HSF5: variants seen among roughly 807,000 people sequenced by gnomAD.
HSF5 encodes heat shock transcription factor 5, also known as heat shock factor protein 5.
Under a neutral mutation model 50.8 loss-of-function variants are expected in HSF5, and 5 were observed. That is an observed-to-expected ratio of 0.10 (90% confidence interval 0.05 to 0.21). The LOEUF (loss-of-function observed/expected upper bound fraction) is 0.21, where lower values mean the gene tolerates loss of function less well. HSF5 is among the 10% of genes least tolerant of loss of function. The probability of loss-of-function intolerance (pLI) is 1.00; values close to 1 mark genes in which losing one functional copy is unlikely to be tolerated. For synonymous variants in HSF5, 307 were observed against 307.4 expected (o/e 1.00, Z 0.02); for missense variants, 564 against 762.6 (o/e 0.74, Z 3.07).
rs1975062112 is a variant in HSF5, at chr17:58,478,895, AAAG to A, written c.925+995_925+997del. On this transcript the variant is annotated intron_variant, in intron 2 of 5. Coordinates refer to ENST00000323777, the MANE Select transcript of HSF5 (RefSeq NM_001080439.3). ...AAAAAAAAAAAAAGAGAAGAAAAGA[AAAG>A]AAGAAAACACAACTTTTTTTTTTCC... 1.3e-4 allele frequency among the ~76,000 whole-genome samples: 20 copies of A among 151,864 alleles called. 1 individual carries two copies. The South Asian group carries it at 3.9e-3, about 30-fold the overall frequency.
At position 58,487,973 on chromosome 17, in the gene HSF5, T is replaced by G. The variant is rs1742048627; in HGVS notation, c.302A>C (p.Lys101Thr). 10 of 1,611,180 alleles carry G rather than the reference T, an allele frequency of 6.2e-6. No homozygotes were observed. The South Asian group carries it at 7.7e-5, about 12-fold the overall frequency. The part of the protein sequence containing the change: ...KVVLGGPGGG[K>T]PAGNGPLHHF... ...ATGGAGCGGCCCATTGCCTGCCGGT[T>G]TGCCGCCCCCCGGCCCGCCCAGCAC... is the stretch of plus-strand genomic sequence containing the variant. Residue 101 changes from lysine to threonine, a missense_variant, in exon 1 of 6, where the codon AAA becomes ACA. By Grantham distance (78) the Lys-to-Thr change is moderately conservative (BLOSUM62 -1). This residue lies in a region of HSF5 where 29 missense variants were observed against 24.7 expected (regional missense o/e 1.18). Coordinates refer to ENST00000323777, the MANE Select transcript of HSF5 (RefSeq NM_001080439.3).
chr17:58,477,083 AC>A, intron 2 of HSF5: 1 of 461,574 alleles, frequency 2.2e-6, no homozygotes, highest in Non-Finnish European at 3.9e-6. Context: ...TCGCGGCCTG[AC>A]GACAGGTATG....
intron 1 of HSF5, among the ~76,000 whole-genome samples, chr17:58,484,620 T>C (rs1975143811): frequency 6.6e-6 from 1 of 152,102 alleles, no homozygotes; most frequent in African/African-American, 2.4e-5. Context: ...TCAGAGATTC[T>C]GCCAAATGTA....
intron 5 of HSF5, among the ~76,000 whole-genome samples, chr17:58,452,570 G>A (rs1974655560): frequency 6.6e-6 from 1 of 151,872 alleles, no homozygotes; most frequent in Non-Finnish European, 1.5e-5. Flanking sequence ...AACACTTTGC[G>A]ATGCTGAGGC....
chr17:58,471,144 G>A (rs780371730), intron 2 of HSF5, among the ~76,000 whole-genome samples: 1 of 152,168 alleles, frequency 6.6e-6, no homozygotes, highest in Non-Finnish European at 1.5e-5. Context: ...ATAGACAGTG[G>A]TGATGGTGAA....
chr17:58,476,537 C>CTTTAT, intron 2 of HSF5: 2 of 1,385,756 alleles, frequency 1.4e-6, no homozygotes, highest in Non-Finnish European at 2.1e-6. Context: ...TTGGACAGAA[C>CTTTAT]TTTATTTTCA....
intron 5 of HSF5, among the ~76,000 whole-genome samples, chr17:58,446,393 T>C (rs762095453): frequency 2.6e-5 from 4 of 152,112 alleles, no homozygotes; most frequent in Non-Finnish European, 4.4e-5. Flanking sequence ...CAATGCAGCA[T>C]AGAGAAAATC....
intron 2 of HSF5, among the ~76,000 whole-genome samples, chr17:58,478,280 AAT>A (rs770822725): frequency 1.4e-4 from 19 of 132,762 alleles, no homozygotes; most frequent in Middle Eastern, 3.7e-3. Context: ...AAAATAAATA[AAT>A]ATATATATAT....
chr17:58,458,961 C>T lies in HSF5; in HGVS notation c.1543-16G>A, dbSNP rs1263957784. On this transcript the variant is annotated splice_polypyrimidine_tract_variant and intron_variant, in intron 4 of 5. Coordinates refer to ENST00000323777, the MANE Select transcript of HSF5 (RefSeq NM_001080439.3). ...TGGCATCCACCTAAAATATTAAACCCATTCATTATTTGAGATTTCCTCCAA... is the reference window on the plus strand; with the variant it reads ...TGGCATCCACCTAAAATATTAAACCTATTCATTATTTGAGATTTCCTCCAA... The T allele has an allele frequency of 6.3e-7, 1 of 1,590,172 alleles. No individual in the cohort carries two copies.
rs965850098 is a variant in HSF5, at chr17:58,477,029, C to T, written c.925+2864G>A. ...GGCAGCTTCCCCCTCACGGCACACGCGCGGGCGCTTGCTGGGTCCAGCCAC... is the reference window on the plus strand; with the variant it reads ...GGCAGCTTCCCCCTCACGGCACACGTGCGGGCGCTTGCTGGGTCCAGCCAC... On this transcript the variant is annotated intron_variant, in intron 2 of 5. Coordinates refer to ENST00000323777, the MANE Select transcript of HSF5 (RefSeq NM_001080439.3). 1.3e-5 allele frequency: 7 copies of T among 547,280 alleles called. No individual in the cohort carries two copies. In the Middle Eastern group the frequency reaches 1.5e-3, roughly 117 times the overall value. The allele number at this position is 547,280 out of a possible 1,614,324, so 33.9% of individuals were successfully genotyped here.
intron 3 of HSF5, among the ~76,000 whole-genome samples, chr17:58,463,914 T>G (rs1974828253): frequency 6.6e-6 from 1 of 152,250 alleles, no homozygotes; most frequent in African/African-American, 2.4e-5. Context: ...TATATACTGC[T>G]TTGCAGAGAG....
At position 58,488,288 on chromosome 17, in the gene HSF5, C is replaced by A; in HGVS notation, c.-14G>T. ...CAGCGCCTCCATCGCCCCGCCGGGC[C>A]GGGGCCTCGCCCCCCGAGCCTAGCT... On this transcript the variant is annotated 5_prime_UTR_variant, in exon 1 of 6. Coordinates refer to ENST00000323777, the MANE Select transcript of HSF5 (RefSeq NM_001080439.3). The surrounding 1 kb of genome is among the most constrained non-coding windows in gnomAD (Gnocchi z 4.1). The A allele has an allele frequency of 1.4e-6, 2 of 1,459,058 alleles. No individual in the cohort carries two copies. The highest frequency in any genetic ancestry group is 8.9e-7 in the Non-Finnish European group (1 of 1,118,658). The allele number at this position is 1,459,058 out of a possible 1,614,324, so 90.4% of individuals were successfully genotyped here. A position where few individuals can be genotyped will look rare whatever the true frequency, so the allele number is the denominator to read the frequency against.
chr17:58,466,841 T>G (rs1224908013), intron 3 of HSF5, 44 bp downstream of exon 3: 1 of 1,189,804 alleles, frequency 8.4e-7, no homozygotes, highest in Admixed American at 1.7e-5. Context: ...TCGATAAAAT[T>G]GCACATAAAG....
In HSF5 at chr17:58,452,092, T is replaced by A. The variant is rs188160855; in HGVS notation, c.1720+6676A>T. ...AAGACCCTGTCTCTACAAAAAAAAA[T>A]TTTTAAATTAGCCAAGCATGGTGTC... On this transcript the variant is annotated intron_variant, in intron 5 of 5. Coordinates refer to ENST00000323777, the MANE Select transcript of HSF5 (RefSeq NM_001080439.3). Among the ~76,000 whole-genome samples, 699 of 150,534 alleles carry A rather than the reference T, an allele frequency of 4.6e-3. 5 individuals are homozygous for A. Among genetic ancestry groups the A allele is most frequent in the African/African-American group, 0.016 (661 of 40,926 alleles).
At position 58,466,894 on chromosome 17, in the gene HSF5, G is replaced by A. The variant is rs764778535; in HGVS notation, c.1011C>T (p.Asn337=). 2 of 1,593,082 alleles carry A rather than the reference G, an allele frequency of 1.3e-6. No homozygotes were observed. The highest frequency in any genetic ancestry group is 2.7e-5 in the African/African-American group (2 of 74,482). The change falls in exon 3 of 6, where the codon AAC becomes AAT. Residue 337 remains asparagine (N), a synonymous_variant. Transcript: ENST00000323777. ...GTTGCAAGAATCTTACCTGGAAGTA[G>A]TTGCAGTGTGCATAGGAAGAGGCAG... is the stretch of plus-strand genomic sequence containing the variant. ...TPTASSYAHC[N]YFQNPSMQSS...
Position 58,488,361 on chromosome 17 carries a change from C to A in HSF5, c.-87G>T, listed in dbSNP as rs755196832. 44 of 1,342,254 alleles carry A rather than the reference C, an allele frequency of 3.3e-5. No homozygotes were observed. In the African/African-American group the frequency reaches 5.4e-4, roughly 16 times the overall value. 83.1% of individuals were successfully genotyped at this position (1,342,254 alleles called of 1,614,324 possible). A position where few individuals can be genotyped will look rare whatever the true frequency, so the allele number is the denominator to read the frequency against. On this transcript the variant is annotated 5_prime_UTR_variant, in exon 1 of 6. Coordinates refer to ENST00000323777, the MANE Select transcript of HSF5 (RefSeq NM_001080439.3). This position sits in a 1 kb window ranked among gnomAD's most constrained non-coding sequence, Gnocchi z 4.1. ...TCCCCGGCCTTCGCCTCGCCCTGCCCGCTCCTGCCGGCGCCCATCCGCCGC... is the reference window on the plus strand; with the variant it reads ...TCCCCGGCCTTCGCCTCGCCCTGCCAGCTCCTGCCGGCGCCCATCCGCCGC...
At chr17:58,473,426 T>C (rs528099885) in intron 2 of HSF5, among the ~76,000 whole-genome samples, 2 of 152,278 alleles carry the variant, frequency 1.3e-5, no homozygotes, top group South Asian at 4.1e-4. Flanking sequence ...ATGAATATTC[T>C]TAAGTATGTT....
At chr17:58,459,848 C>G (rs181024395) in intron 4 of HSF5, among the ~76,000 whole-genome samples, 4 of 152,122 alleles carry the variant, frequency 2.6e-5, no homozygotes, top group African/African-American at 9.6e-5. Flanking sequence ...AGAATATGTT[C>G]TATCAGACTT....
In HSF5 at chr17:58,462,814, C is replaced by A. The variant is rs927682887; in HGVS notation, c.1510G>T (p.Val504Leu). ...HNPSPSSVVF[V>L]QEGPPFSTHQ... ...GTGCTGAATGGTGGCCCTTCCTGCA[C>A]AAATACTACTGAAGATGGAGATGGA... The change falls in exon 4 of 6, where the codon GTG (valine) becomes TTG (leucine). Residue 504 changes from valine to leucine, a missense_variant. Physicochemically the swap from Val to Leu is conservative, Grantham distance 32. This residue lies in a region of HSF5 where 441 missense variants were observed against 533.6 expected (regional missense o/e 0.83). Transcript: ENST00000323777. 1 of 1,611,606 alleles carries A rather than the reference C, an allele frequency of 6.2e-7. No individual in the cohort carries two copies. Among genetic ancestry groups the A allele is most frequent in the East Asian group, 2.2e-5 (1 of 44,886 alleles).
Sources: gnomAD v4.1 joint callset for allele counts (sites outside exome capture counted in the v4.1 genomes callset) on GRCh38, gnomAD v4.1.1 for gene constraint, gnomAD v4.1.1 regional missense constraint, Gnocchi (gnomAD v3.1) non-coding constraint, MANE v1.5 for transcripts, NCBI Gene and HGNC (gene_info 2026-07-23, HGNC 2026-07-21) for gene names.